ANO3: variants seen among roughly 807,000 people sequenced by gnomAD.
ANO3 encodes anoctamin-3.
ANO3 carries 99 observed loss-of-function variants against 144.8 expected under a neutral mutation model. That is an observed-to-expected ratio of 0.68 (90% CI 0.58 to 0.81). The LOEUF (loss-of-function observed/expected upper bound fraction) is 0.81. ANO3 is among the 30% of genes least tolerant of loss of function. ANO3 has a pLI of 0.00. For synonymous variants in ANO3, 414 were observed against 392.6 expected (o/e 1.05, Z -0.64); for missense variants, 905 against 1,202.2 (o/e 0.75, Z 3.66).
intron 1 of ANO3, among the ~76,000 whole-genome samples, chr11:26,333,154 T>C (rs1015137130): frequency 6.6e-6 from 1 of 152,204 alleles, no homozygotes; most frequent in African/African-American, 2.4e-5. Flanking sequence ...TAGAGTGCCT[T>C]AGATGTGTGA....
At chr11:26,521,125 T>C (rs1275006845) in intron 6 of ANO3, among the ~76,000 whole-genome samples, 1 of 152,180 alleles carries the variant, frequency 6.6e-6, no homozygotes, top group Admixed American at 6.5e-5. Context: ...AAAGGAATGC[T>C]ATTCAAGCAT....
intron 1 of ANO3, among the ~76,000 whole-genome samples, chr11:26,360,324 T>C (rs1855893722): frequency 6.6e-6 from 1 of 152,128 alleles, no homozygotes; most frequent in East Asian, 1.9e-4. Flanking sequence ...TCTAAAATGC[T>C]ACCCAGAATG....
chr11:26,547,072 A>G (rs1019521800), intron 11 of ANO3, among the ~76,000 whole-genome samples: 1 of 151,844 alleles, frequency 6.6e-6, no homozygotes, highest in African/African-American at 2.4e-5. Flanking sequence ...CTTAATTTTC[A>G]TGAAAGCTAT....
intron 4 of ANO3, among the ~76,000 whole-genome samples, chr11:26,484,641 A>G (rs1860370131): frequency 6.6e-6 from 1 of 152,208 alleles, no homozygotes; most frequent in African/African-American, 2.4e-5. Context: ...AGAACTGCCT[A>G]GTGGAGCTGT....
At chr11:26,633,511 C>T (rs963905334) in intron 18 of ANO3, among the ~76,000 whole-genome samples, 10 of 152,180 alleles carry the variant, frequency 6.6e-5, no homozygotes, top group Non-Finnish European at 1.0e-4. Flanking sequence ...AATATTCATT[C>T]TTCAGAGAAC....
intron 14 of ANO3, among the ~76,000 whole-genome samples, chr11:26,564,732 C>CACATAT (rs1565108986): frequency 1.2e-4 from 3 of 25,416 alleles, no homozygotes; most frequent in Non-Finnish European, 2.2e-4. Context: ...CACACACACA[C>CACATAT]ATATATATAT....
chr11:26,358,496 G>T (rs1236163640), intron 1 of ANO3, among the ~76,000 whole-genome samples: 1 of 152,044 alleles, frequency 6.6e-6, no homozygotes, highest in Non-Finnish European at 1.5e-5. Flanking sequence ...AAATCCTGTT[G>T]GGATTTTTAT....
chr11:26,375,961 GA>G lies in ANO3; in HGVS notation c.46+43647del, dbSNP rs144497111. On this transcript the variant is annotated intron_variant, in intron 1 of 26. Coordinates refer to ENST00000256737, the MANE Select transcript of ANO3 (RefSeq NM_031418.4). ...CAGGAGAATGAAGTTTTTCTGGAGAGAAAAAAAGTGTGCATTCCAAAATATA... is the reference window on the plus strand; with the variant it reads ...CAGGAGAATGAAGTTTTTCTGGAGAGAAAAAAGTGTGCATTCCAAAATATA... 1.9e-3 allele frequency among the ~76,000 whole-genome samples: 286 copies of G among 152,084 alleles called. 1 individual carries two copies. The highest frequency in any genetic ancestry group is 6.6e-3 in the African/African-American group (274 of 41,496).
chr11:26,466,230 T>G (rs765059196), intron 4 of ANO3, among the ~76,000 whole-genome samples: 25 of 151,924 alleles, frequency 1.6e-4, no homozygotes, highest in Non-Finnish European at 3.1e-4. Context: ...ATCCATGAGA[T>G]TCTAGAAATT....
chr11:26,449,423 G>A (rs1404678174), intron 3 of ANO3, among the ~76,000 whole-genome samples: 2 of 151,580 alleles, frequency 1.3e-5, no homozygotes, highest in Admixed American at 6.6e-5. Flanking sequence ...TTTAGGATTA[G>A]GACAGACAAA....
At chr11:26,297,783 A>T (rs1854126994) in intron 1 of ANO3, among the ~76,000 whole-genome samples, 1 of 152,174 alleles carries the variant, frequency 6.6e-6, no homozygotes, top group Admixed American at 6.5e-5. Flanking sequence ...ATTTCTTTTA[A>T]CACCACAACA....
At chr11:26,639,600 C>A (rs1390858752) in intron 21 of ANO3, among the ~76,000 whole-genome samples, 3 of 152,144 alleles carry the variant, frequency 2.0e-5, no homozygotes, top group South Asian at 4.1e-4. Context: ...TTGCTACCAG[C>A]AGACCAAGTT....
At chr11:26,452,279 T>C (rs1858973983) in intron 3 of ANO3, among the ~76,000 whole-genome samples, 1 of 152,180 alleles carries the variant, frequency 6.6e-6, no homozygotes, top group Admixed American at 6.5e-5. Context: ...ATGATCAAAC[T>C]ACGAGCTACA....
intron 1 of ANO3, among the ~76,000 whole-genome samples, chr11:26,244,877 T>G (rs1852747387): frequency 6.6e-6 from 1 of 152,068 alleles, no homozygotes; most frequent in Non-Finnish European, 1.5e-5. Context: ...TCATAATTAT[T>G]TATTTGTTAA....
chr11:26,483,148 G>A (rs1296142482), intron 4 of ANO3, among the ~76,000 whole-genome samples: 1 of 151,796 alleles, frequency 6.6e-6, no homozygotes, highest in African/African-American at 2.4e-5. Context: ...TCTCCACACT[G>A]TTTTCCATAC....
intron 1 of ANO3, among the ~76,000 whole-genome samples, chr11:26,209,347 T>A (rs1590194352): frequency 6.6e-6 from 1 of 152,250 alleles, no homozygotes; most frequent in African/African-American, 2.4e-5. Flanking sequence ...GGCTGCAAAG[T>A]ATTCCATTTT....
At chr11:26,264,516 T>C (rs1156928829) in intron 1 of ANO3, among the ~76,000 whole-genome samples, 1 of 152,178 alleles carries the variant, frequency 6.6e-6, no homozygotes, top group Admixed American at 6.5e-5. Context: ...ACTATTTGTG[T>C]GAGGAAATTT....
At chr11:26,478,936 TTA>T (rs944164627) in intron 4 of ANO3, among the ~76,000 whole-genome samples, 1 of 152,212 alleles carries the variant, frequency 6.6e-6, no homozygotes, top group Non-Finnish European at 1.5e-5. Context: ...TCTTCCAGTT[TTA>T]TGTGTTGCCC....
At chr11:26,508,335 GA>G (rs2134137075) in intron 5 of ANO3, 73 bp downstream of exon 5, 1 of 1,350,578 alleles carries the variant, frequency 7.4e-7, no homozygotes. Flanking sequence ...GGTTTAGAAA[GA>G]AAAATATGTA....
Sources: allele counts gnomAD v4.1 joint callset (sites outside exome capture counted in the v4.1 genomes callset), GRCh38; gene constraint gnomAD v4.1.1; transcripts MANE v1.5; gene names NCBI Gene and HGNC (gene_info 2026-07-23, HGNC 2026-07-21).